Variants in CYREN observed in about 807,000 individuals in gnomAD.
CYREN encodes cell cycle regulator of NHEJ.
Under a neutral mutation model 9.7 loss-of-function variants are expected in CYREN, and 7 were observed. That is an observed-to-expected ratio of 0.72 (90% CI 0.41 to 1.36). The LOEUF (loss-of-function observed/expected upper bound fraction) is 1.36, where lower values mean the gene tolerates loss of function less well. CYREN is among the 40% of genes most tolerant of loss of function. CYREN has a pLI of 0.01. For synonymous variants in CYREN, 76 were observed against 77.9 expected (o/e 0.98, Z 0.13); for missense variants, 215 against 198.1 (o/e 1.09, Z -0.51).
At chr7:135,148,541 T>A (rs978136591) in intron 2 of CYREN, among the ~76,000 whole-genome samples, 1 of 152,186 alleles carries the variant, frequency 6.6e-6, no homozygotes, top group Non-Finnish European at 1.5e-5. Context: ...TATAACTGGT[T>A]AGAAACGATG....
exon 3 of CYREN, chr7:135,092,914 T>C (rs374409233): frequency 1.3e-5 from 2 of 151,624 alleles, no homozygotes; most frequent in African/African-American, 2.4e-5. Flanking sequence ...TAATAGAATA[T>C]AAAGAAAAAG....
intron 2 of CYREN, among the ~76,000 whole-genome samples, chr7:135,095,097 C>G (rs928824528): frequency 6.6e-6 from 1 of 152,158 alleles, no homozygotes; most frequent in Non-Finnish European, 1.5e-5. Context: ...ACAAGGTGAA[C>G]AGTCTTTACC....
chr7:135,114,571 C>T (rs1328872911), intron 2 of CYREN, among the ~76,000 whole-genome samples: 1 of 152,116 alleles, frequency 6.6e-6, no homozygotes, highest in Non-Finnish European at 1.5e-5. Flanking sequence ...GGAGCCACCA[C>T]TGATTCCTCT....
At chr7:135,170,059 C>T (rs940461140) in intron 1 of CYREN, among the ~76,000 whole-genome samples, 1 of 152,238 alleles carries the variant, frequency 6.6e-6, no homozygotes, top group Non-Finnish European at 1.5e-5. Context: ...TTTAGTTCAC[C>T]CTGGGGTGCC....
At chr7:135,134,360 C>T (rs1401425277) in intron 2 of CYREN, among the ~76,000 whole-genome samples, 1 of 151,874 alleles carries the variant, frequency 6.6e-6, no homozygotes, top group Non-Finnish European at 1.5e-5. Context: ...TAAGTGGCTG[C>T]AATTATTAGT....
intron 2 of CYREN, among the ~76,000 whole-genome samples, chr7:135,126,840 C>A (rs942393995): frequency 6.6e-6 from 1 of 152,204 alleles, no homozygotes; most frequent in African/African-American, 2.4e-5. Flanking sequence ...AACTGGACCC[C>A]TTCCTTACAC....
At chr7:135,167,685 C>A in intron 3 of CYREN, 47 bp downstream of exon 3, 1 of 1,610,412 alleles carries the variant, frequency 6.2e-7, no homozygotes, top group Non-Finnish European at 8.5e-7. Flanking sequence ...CTAGCCTCTG[C>A]CCATGCAGAG....
intron 2 of CYREN, among the ~76,000 whole-genome samples, chr7:135,118,087 G>C (rs967897526): frequency 6.6e-6 from 1 of 152,104 alleles, no homozygotes; most frequent in Admixed American, 6.6e-5. Flanking sequence ...CTGAAGCCTG[G>C]CTGAATTCCC....
intron 2 of CYREN, among the ~76,000 whole-genome samples, chr7:135,107,514 T>C (rs115152331): frequency 0.013 from 2,019 of 152,332 alleles, 46 homozygotes; most frequent in African/African-American, 0.046. Flanking sequence ...TTCCCTGTAA[T>C]TGCATGGTTT....
chr7:135,113,712 A>G (rs1825943865), intron 2 of CYREN, among the ~76,000 whole-genome samples: 1 of 152,240 alleles, frequency 6.6e-6, no homozygotes, highest in Non-Finnish European at 1.5e-5. Context: ...TTTTAAGTGT[A>G]CAATTCAGTA....
chr7:135,116,053 C>T (rs1472127902), intron 2 of CYREN, among the ~76,000 whole-genome samples: 3 of 151,920 alleles, frequency 2.0e-5, no homozygotes, highest in African/African-American at 7.3e-5. Context: ...CCTCTAAGGC[C>T]AAAAGGAAAC....
At chr7:135,130,299 A>T (rs551149439) in intron 2 of CYREN, among the ~76,000 whole-genome samples, 61 of 152,362 alleles carry the variant, frequency 4.0e-4, no homozygotes, top group African/African-American at 1.4e-3. Context: ...ATAATAATTT[A>T]AAAATATGTT....
At position 135,166,716 on chromosome 7, in the gene CYREN, G is replaced by C. The variant is rs1310175897; in HGVS notation, c.369C>G (p.Ser123Arg). Residue 123 changes from serine (S) to arginine (R), a missense_variant, in exon 4 of 4, where the codon AGC becomes AGG. Coordinates refer to ENST00000393114, the MANE Select transcript of CYREN (RefSeq NM_024033.4). ...SGKQALAPGL[S>R]PSQRPGGSSS... ...TGGAACCCCCCGGCCTCTGGGAAGGGCTGAGGCCTGGAGCCAGTGCCTGTT... is the reference window on the plus strand; with the variant it reads ...TGGAACCCCCCGGCCTCTGGGAAGGCCTGAGGCCTGGAGCCAGTGCCTGTT... The C allele has an allele frequency of 6.2e-7, 1 of 1,613,626 alleles. No homozygotes were observed. The highest frequency in any genetic ancestry group is 8.5e-7 in the Non-Finnish European group (1 of 1,180,038).
At chr7:135,149,830 T>C (rs1483525633) in intron 2 of CYREN, among the ~76,000 whole-genome samples, 1 of 152,270 alleles carries the variant, frequency 6.6e-6, no homozygotes, top group Admixed American at 6.5e-5. Context: ...TATTTGTCCA[T>C]TTTTAATGAG....
At chr7:135,168,002 A>C in intron 2 of CYREN, 195 bp from the exon 3 acceptor site, 1 of 937,130 alleles carries the variant, frequency 1.1e-6, no homozygotes, top group Non-Finnish European at 1.5e-6. Flanking sequence ...ACAGGGCTTC[A>C]TGGAGGCAAC....
At chr7:135,167,496 C>T (rs957516422) in intron 3 of CYREN, 1 of 1,401,116 alleles carries the variant, frequency 7.1e-7, no homozygotes, top group African/African-American at 1.5e-5. Context: ...CACACACACG[C>T]CCTCCCTAAC....
rs1829674643 is a variant in CYREN, at chr7:135,151,909, C to T, written n.356+16840G>A. 6.6e-6 allele frequency among the ~76,000 whole-genome samples: 1 copy of T among 152,170 alleles called. No individual in the cohort carries two copies. Among genetic ancestry groups the T allele is most frequent in the Non-Finnish European group, 1.5e-5 (1 of 68,016 alleles). ...GCATCCTGGAGTCATCACAACCAAA[C>T]ATAAATGAGACCAGCTTCCTAGAGT... is the stretch of plus-strand genomic sequence containing the variant. On this transcript the variant is annotated intron_variant and non_coding_transcript_variant, in intron 2 of 2. Transcript: ENST00000459937. This position sits in a 1 kb window ranked among gnomAD's most constrained non-coding sequence, Gnocchi z 4.3.
At chr7:135,130,133 A>G (rs892022428) in intron 2 of CYREN, among the ~76,000 whole-genome samples, 1 of 152,130 alleles carries the variant, frequency 6.6e-6, no homozygotes. Context: ...CCTTATGAAA[A>G]TTATACTGAG....
intron 2 of CYREN, chr7:135,147,665 G>A: frequency 2.4e-6 from 1 of 417,120 alleles, no homozygotes; most frequent in South Asian, 1.7e-5. Context: ...TCTCTAAAAG[G>A]GGTTGGGGGA....
Sources: gnomAD v4.1 joint callset for allele counts (sites outside exome capture counted in the v4.1 genomes callset) on GRCh38, gnomAD v4.1.1 for gene constraint, Gnocchi (gnomAD v3.1) non-coding constraint, MANE v1.5 for transcripts, NCBI Gene and HGNC (gene_info 2026-07-23, HGNC 2026-07-21) for gene names.